SLC25A21: variants seen among roughly 807,000 people sequenced by gnomAD.
SLC25A21 encodes solute carrier family 25 member 21.
In SLC25A21, 47 loss-of-function variants were observed where a neutral mutation model predicts 43.8. That is an observed-to-expected ratio of 1.07 (90% confidence interval 0.85 to 1.37). The LOEUF (loss-of-function observed/expected upper bound fraction) is 1.37. SLC25A21 is among the 40% of genes most tolerant of loss of function. The pLI, the probability that SLC25A21 is intolerant of heterozygous loss-of-function variation, is 0.00. For synonymous variants in SLC25A21, 131 were observed against 121.3 expected (o/e 1.08, Z -0.52); for missense variants, 352 against 350.2 (o/e 1.00, Z -0.04).
chr14:36,967,312 C>A (rs558454846), intron 1 of SLC25A21, among the ~76,000 whole-genome samples: 1 of 152,138 alleles, frequency 6.6e-6, no homozygotes, highest in Non-Finnish European at 1.5e-5. Context: ...CCTGATGTCC[C>A]CTATTTATAT....
chr14:36,742,355 C>T (rs1203238920), intron 3 of SLC25A21, among the ~76,000 whole-genome samples: 1 of 152,124 alleles, frequency 6.6e-6, no homozygotes, highest in African/African-American at 2.4e-5. Context: ...TGCACGGCTT[C>T]CATTGTTTGA....
intron 2 of SLC25A21, among the ~76,000 whole-genome samples, chr14:36,836,960 A>G (rs962616625): frequency 1.3e-5 from 2 of 152,172 alleles, no homozygotes; most frequent in Non-Finnish European, 2.9e-5. Flanking sequence ...CATCTTAGAA[A>G]AGAGACCGGA....
At chr14:37,030,765 T>C (rs541750028) in intron 1 of SLC25A21, among the ~76,000 whole-genome samples, 22 of 152,260 alleles carry the variant, frequency 1.4e-4, no homozygotes, top group African/African-American at 4.6e-4. Flanking sequence ...TACTCGTTGG[T>C]AAGTGTTCCT....
intron 1 of SLC25A21, among the ~76,000 whole-genome samples, chr14:37,102,734 G>A (rs539611068): frequency 3.6e-4 from 54 of 151,300 alleles, no homozygotes; most frequent in Middle Eastern, 3.4e-3. Context: ...ACCTGTAATC[G>A]CAGCACTTTG....
chr14:36,988,634 A>C (rs1960197434), intron 1 of SLC25A21, among the ~76,000 whole-genome samples: 1 of 152,290 alleles, frequency 6.6e-6, no homozygotes, highest in South Asian at 2.1e-4. Flanking sequence ...CCCCTATTGT[A>C]TATCTACTGT....
chr14:36,885,801 G>A (rs1154130), intron 1 of SLC25A21, among the ~76,000 whole-genome samples: 16,296 of 152,128 alleles, frequency 0.11, 1,060 homozygotes, highest in South Asian at 0.2. Flanking sequence ...ACCAACAATT[G>A]GAGCATTCAG....
intron 1 of SLC25A21, among the ~76,000 whole-genome samples, chr14:37,157,392 C>G (rs1045089849): frequency 6.6e-6 from 1 of 152,004 alleles, no homozygotes. Context: ...TATCAAGTAT[C>G]TTCTCAGACC....
intron 1 of SLC25A21, among the ~76,000 whole-genome samples, chr14:36,950,931 T>C (rs968283340): frequency 6.6e-6 from 1 of 152,178 alleles, no homozygotes; most frequent in African/African-American, 2.4e-5. Flanking sequence ...CAGCAAGGAA[T>C]GCATATTCTA....
At chr14:37,168,134 C>A (rs958784748) in intron 1 of SLC25A21, among the ~76,000 whole-genome samples, 4 of 152,052 alleles carry the variant, frequency 2.6e-5, no homozygotes, top group Non-Finnish European at 4.4e-5. Flanking sequence ...TCCTGCAGCT[C>A]ATCCATAGAC....
intron 4 of SLC25A21, among the ~76,000 whole-genome samples, chr14:36,733,720 T>G (rs926235512): frequency 2.0e-5 from 3 of 152,242 alleles, no homozygotes; most frequent in African/African-American, 7.2e-5. Flanking sequence ...AGGTTATCAT[T>G]ATTATGGAAG....
intron 2 of SLC25A21, among the ~76,000 whole-genome samples, chr14:36,849,692 A>G (rs1179790471): frequency 8.5e-5 from 13 of 152,114 alleles, no homozygotes; most frequent in Non-Finnish European, 1.8e-4. Context: ...AGCTGTGCCA[A>G]TATTTGAGAC....
At chr14:36,904,906 G>A (rs1377460765) in intron 1 of SLC25A21, among the ~76,000 whole-genome samples, 1 of 152,108 alleles carries the variant, frequency 6.6e-6, no homozygotes. Flanking sequence ...CATATCACTC[G>A]TGTTATGAAG....
intron 3 of SLC25A21, among the ~76,000 whole-genome samples, chr14:36,760,320 G>C (rs1326127830): frequency 6.7e-6 from 1 of 148,376 alleles, no homozygotes; most frequent in Non-Finnish European, 1.5e-5. Context: ...TGTTGATTTA[G>C]GCAGCTAGGC....
At chr14:37,039,116 G>A (rs1315236135) in intron 1 of SLC25A21, among the ~76,000 whole-genome samples, 2 of 152,174 alleles carry the variant, frequency 1.3e-5, no homozygotes, top group Non-Finnish European at 2.9e-5. Context: ...AGGATGGTAC[G>A]GTGAGGGGTG....
intron 7 of SLC25A21, among the ~76,000 whole-genome samples, chr14:36,685,301 C>T (rs933548520): frequency 6.6e-6 from 1 of 152,166 alleles, no homozygotes; most frequent in Admixed American, 6.5e-5. Flanking sequence ...GAATATTTTA[C>T]AAATGACAGC....
intron 1 of SLC25A21, among the ~76,000 whole-genome samples, chr14:36,934,727 AGAG>A (rs1892376930): frequency 6.6e-6 from 1 of 151,332 alleles, no homozygotes; most frequent in Non-Finnish European, 1.5e-5. Flanking sequence ...GAAAAGAGAG[AGAG>A]AGAGAGAGAG....
chr14:36,748,055 C>A (rs1885565042), intron 3 of SLC25A21, among the ~76,000 whole-genome samples: 1 of 152,156 alleles, frequency 6.6e-6, no homozygotes, highest in Non-Finnish European at 1.5e-5. Context: ...ATTCTCTCAG[C>A]GAAGTTAAGC....
intron 1 of SLC25A21, among the ~76,000 whole-genome samples, chr14:36,970,881 G>GA (rs1490799981): frequency 2.0e-5 from 3 of 152,092 alleles, no homozygotes; most frequent in Admixed American, 6.5e-5. Context: ...TTCATTCTTT[G>GA]AAAACCTTTT....
At chr14:36,844,041 T>C (rs574289006) in intron 2 of SLC25A21, among the ~76,000 whole-genome samples, 1 of 152,196 alleles carries the variant, frequency 6.6e-6, no homozygotes, top group East Asian at 1.9e-4. Context: ...AGATAAAAAA[T>C]TGTGTTAGGT....
Sources: allele counts gnomAD v4.1 joint callset (sites outside exome capture counted in the v4.1 genomes callset), GRCh38; gene constraint gnomAD v4.1.1; transcripts MANE v1.5; gene names NCBI Gene and HGNC (gene_info 2026-07-23, HGNC 2026-07-21).